Variants in DESI1 observed in about 807,000 individuals in gnomAD.
DESI1 encodes desumoylating isopeptidase 1.
A neutral mutation model predicts 22.4 loss-of-function variants in DESI1; 17 were observed. The ratio of observed to expected loss-of-function variants is 0.76; its 90% CI spans 0.52 to 1.14. DESI1 has a LOEUF of 1.14. DESI1 is among the 50% of genes most tolerant of loss of function. The pLI, the probability that DESI1 is intolerant of heterozygous loss-of-function variation, is 0.00. For synonymous variants in DESI1, 92 were observed against 84.2 expected (o/e 1.09, Z -0.51); for missense variants, 177 against 208.9 (o/e 0.85, Z 0.94).
Position 41,607,614 on chromosome 22 carries a change from A to T in DESI1, c.110+226T>A, listed in dbSNP as rs1054984420. 8.5e-5 allele frequency among the ~76,000 whole-genome samples: 13 copies of T among 152,218 alleles called. 1 individual carries two copies. The highest frequency in any genetic ancestry group is 4.6e-4 in the Admixed American group (7 of 15,278). Reference sequence around the variant, plus strand: ...TCCCTGCCTCTATCCACAAGATGCCAGTAGCATCCTCCTCCCTGTATGACA... The same window carrying T: ...TCCCTGCCTCTATCCACAAGATGCCTGTAGCATCCTCCTCCCTGTATGACA... On this transcript the variant is annotated intron_variant, in intron 2 of 5. Coordinates refer to ENST00000263256, the MANE Select transcript of DESI1 (RefSeq NM_015704.3).
chr22:41,611,869 G>C (rs1037818574), intron 1 of DESI1, among the ~76,000 whole-genome samples: 1 of 152,148 alleles, frequency 6.6e-6, no homozygotes, highest in African/African-American at 2.4e-5. Flanking sequence ...GGGATTACAG[G>C]CGTGAGCTAC....
At chr22:41,606,463 T>C (rs2067481216) in intron 3 of DESI1, among the ~76,000 whole-genome samples, 1 of 151,908 alleles carries the variant, frequency 6.6e-6, no homozygotes, top group African/African-American at 2.4e-5. Flanking sequence ...GTGACAACAC[T>C]TGGATAGCTG....
At chr22:41,615,790 A>G (rs1479430204) in intron 1 of DESI1, among the ~76,000 whole-genome samples, 1 of 152,250 alleles carries the variant, frequency 6.6e-6, no homozygotes, top group Non-Finnish European at 1.5e-5. Flanking sequence ...TGACATGCTC[A>G]GCTCACCATG....
intron 3 of DESI1, 34 bp downstream of exon 3, chr22:41,607,228 G>A (rs764670051): frequency 6.5e-6 from 10 of 1,537,554 alleles, no homozygotes; most frequent in Non-Finnish European, 8.8e-6. Flanking sequence ...AGGAACCTGA[G>A]ACTGCAGGAC....
intron 1 of DESI1, among the ~76,000 whole-genome samples, chr22:41,613,339 C>T (rs183098883): frequency 5.3e-5 from 8 of 152,324 alleles, no homozygotes; most frequent in East Asian, 1.9e-4. Flanking sequence ...ATGACACATG[C>T]GTAGCACAGG....
intron 4 of DESI1, 46 bp from the exon 5 acceptor site, chr22:41,603,427 C>T (rs1219739849): frequency 3.7e-6 from 6 of 1,612,728 alleles, no homozygotes; most frequent in African/African-American, 1.3e-5. Flanking sequence ...AACCAGCAAG[C>T]GTCTATGTGG....
chr22:41,614,179 GGA>G (rs1368542463), intron 1 of DESI1, among the ~76,000 whole-genome samples: 2 of 151,912 alleles, frequency 1.3e-5, no homozygotes, highest in Non-Finnish European at 2.9e-5. Context: ...TGGGATTACA[GGA>G]GCTCGCCACC....
At chr22:41,611,570 G>T (rs2147045531) in intron 1 of DESI1, among the ~76,000 whole-genome samples, 2 of 148,972 alleles carry the variant, frequency 1.3e-5, no homozygotes, top group Middle Eastern at 3.7e-3. Context: ...AAGGATACCT[G>T]CTTTCTCTTA....
In DESI1 at chr22:41,620,957, G is replaced by A. The variant is rs1028086774; in HGVS notation, c.-118C>T. On this transcript the variant is annotated 5_prime_UTR_variant, in exon 1 of 6. Transcript: ENST00000263256. ...AGAGGGGGGGACCGAGCCCGGGCCC[G>A]GGCTGAGGGGTGGGGGAGAGGCCGC... The A allele has an allele frequency of 1.4e-5, 16 of 1,144,864 alleles. No individual in the cohort carries two copies. In the African/African-American group the frequency reaches 1.9e-4, roughly 14 times the overall value. The allele number at this position is 1,144,864 out of a possible 1,614,324, so 70.9% of individuals were successfully genotyped here. A position where few individuals can be genotyped will look rare whatever the true frequency, so the allele number is the denominator to read the frequency against.
chr22:41,613,736 C>T (rs1004800941), intron 1 of DESI1, among the ~76,000 whole-genome samples: 1 of 152,202 alleles, frequency 6.6e-6, no homozygotes, highest in Admixed American at 6.5e-5. Context: ...TTCTCAGATG[C>T]GCATGCTCAC....
Position 41,602,883 on chromosome 22 carries a change from A to G in DESI1, c.413+376T>C, listed in dbSNP as rs577329305. Reference sequence around the variant, plus strand: ...CAACAGCTACAAAACAAGCCCCCCTACTATTTTTCTGACCCCCTCTCTGCT... The same window carrying G: ...CAACAGCTACAAAACAAGCCCCCCTGCTATTTTTCTGACCCCCTCTCTGCT... On this transcript the variant is annotated intron_variant, in intron 5 of 5. Coordinates refer to ENST00000263256, the MANE Select transcript of DESI1 (RefSeq NM_015704.3). 125 of 897,024 alleles carry G rather than the reference A, an allele frequency of 1.4e-4. No homozygotes were observed. The African/African-American group carries it at 1.9e-3, about 14-fold the overall frequency. The allele number at this position is 897,024 out of a possible 1,614,324, so 55.6% of individuals were successfully genotyped here.
intron 1 of DESI1, 102 bp downstream of exon 1, chr22:41,620,650 G>T: frequency 8.6e-7 from 1 of 1,167,244 alleles, no homozygotes; most frequent in Non-Finnish European, 1.2e-6. Context: ...TCCTGGCCAT[G>T]TGTCTCCCCG....
intron 5 of DESI1, 171 bp downstream of exon 5, chr22:41,603,088 C>T (rs1345293535): frequency 6.2e-6 from 6 of 973,072 alleles, no homozygotes; most frequent in Non-Finnish European, 9.1e-6. Flanking sequence ...GGAGGTAATA[C>T]AGGTGCGCAT....
At chr22:41,606,965 AGG>A (rs1235187790) in intron 3 of DESI1, among the ~76,000 whole-genome samples, 40 of 151,968 alleles carry the variant, frequency 2.6e-4, no homozygotes, top group African/African-American at 9.0e-4. Context: ...GACACTGTGC[AGG>A]GGATGGAGAT....
chr22:41,612,721 A>G (rs2067525544), intron 1 of DESI1, among the ~76,000 whole-genome samples: 1 of 149,646 alleles, frequency 6.7e-6, no homozygotes, highest in Non-Finnish European at 1.5e-5. Context: ...TCAGCTTCCC[A>G]GTTGCTGAGA....
rs375306607 is a variant in DESI1 at position 41,603,387 on chromosome 22, C to A, written c.291-6G>T. The A allele has an allele frequency of 1.1e-5, 17 of 1,614,054 alleles. No individual in the cohort carries two copies. Among genetic ancestry groups the A allele is most frequent in the South Asian group, 2.2e-5 (2 of 91,090 alleles). On this transcript the variant is annotated splice_region_variant and splice_polypyrimidine_tract_variant and intron_variant, in intron 4 of 5. Transcript: ENST00000263256. ...AGAGGTTGTAGGCCTCACCTCTGTA[C>A]ATTGAAAGGTTTGCAGAACATATAT... is the stretch of plus-strand genomic sequence containing the variant.
At chr22:41,609,843 T>A (rs1436228672) in intron 1 of DESI1, among the ~76,000 whole-genome samples, 1 of 150,788 alleles carries the variant, frequency 6.6e-6, no homozygotes, top group Non-Finnish European at 1.5e-5. Flanking sequence ...ATCCCAGCAC[T>A]TTGGGAGGCC....
intron 1 of DESI1, among the ~76,000 whole-genome samples, chr22:41,614,283 G>A (rs1375882576): frequency 1.3e-5 from 2 of 151,896 alleles, no homozygotes; most frequent in African/African-American, 2.4e-5. Context: ...TGATCTACCC[G>A]CCTCGGTCTC....
chr22:41,603,975 C>T (rs2067463914), intron 4 of DESI1, 69 bp downstream of exon 4: 3 of 1,395,626 alleles, frequency 2.1e-6, no homozygotes, highest in Non-Finnish European at 3.0e-6. Flanking sequence ...GACATGGCAG[C>T]TGCCTCCAGG....
Sources: gnomAD v4.1 joint callset for allele counts (sites outside exome capture counted in the v4.1 genomes callset) on GRCh38, gnomAD v4.1.1 for gene constraint, MANE v1.5 for transcripts, NCBI Gene and HGNC (gene_info 2026-07-23, HGNC 2026-07-21) for gene names.